The following PRDM7 variants were observed in gnomAD, a reference collection of about 807,000 sequenced individuals.
PRDM7 encodes the protein histone-lysine N-methyltransferase PRDM7.
A neutral mutation model predicts 64.3 loss-of-function variants in PRDM7; 52 were observed. The observed-to-expected ratio is 0.81, with a 90% CI of 0.65 to 1.02. PRDM7 has a LOEUF of 1.02. Ranked by LOEUF, PRDM7 falls within the 50% of genes least tolerant of loss-of-function variation. The pLI, the probability that PRDM7 is intolerant of heterozygous loss-of-function variation, is 0.00. For missense variants in PRDM7, 574 were observed against 597.1 expected, an observed-to-expected ratio of 0.96 and a Z score of 0.40; for synonymous variants, 192 against 210.1, an observed-to-expected ratio of 0.91 and a Z score of 0.74.
rs367564286 is a variant in PRDM7 at position 90,058,454 on chromosome 16, G to T, written c.1314C>A (p.Asn438Lys). The change falls in exon 11 of 11, where the codon AAC becomes AAA. Residue 438 changes from asparagine (N) to lysine (K), a missense_variant. Asn to Lys is a moderately conservative substitution (Grantham distance 94, BLOSUM62 0). Coordinates refer to ENST00000449207, the MANE Select transcript of PRDM7 (RefSeq NM_001098173.2). ...QVKNFSVNMW[N>K]AITPLRTSQD... Reference sequence around the variant, plus strand: ...GGGAAGTTCTGAGAGGAGTGATTGCGTTCCACATGTTGACTGAGAAATTTT... The same window carrying T: ...GGGAAGTTCTGAGAGGAGTGATTGCTTTCCACATGTTGACTGAGAAATTTT... 1.9e-6 allele frequency: 3 copies of T among 1,614,152 alleles called. No homozygotes were observed. The African/African-American group carries it at 4.0e-5, about 22-fold the overall frequency.
intron 5 of PRDM7, 23 bp from the exon 6 acceptor site, chr16:90,063,791 TA>T: frequency 6.2e-7 from 1 of 1,612,960 alleles, no homozygotes; most frequent in South Asian, 1.1e-5. Flanking sequence ...AATCACATAT[TA>T]AAAGACAACG....
Position 90,063,786 on chromosome 16 carries a change from C to G in PRDM7, c.352-18G>C. 1 of 1,613,722 alleles carries G rather than the reference C, an allele frequency of 6.2e-7. No individual in the cohort carries two copies. Among genetic ancestry groups the G allele is most frequent in the Non-Finnish European group, 8.5e-7 (1 of 1,179,734 alleles). The stretch of plus-strand genomic sequence containing the variant: ...GGCATTCCCTTTAATGTGAGAATCA[C>G]ATATTAAAAGACAACGTGCATTTAT... On this transcript the variant is annotated intron_variant, in intron 5 of 10. Coordinates refer to ENST00000449207, the MANE Select transcript of PRDM7 (RefSeq NM_001098173.2).
chr16:90,059,395 C>G (rs1225097980), intron 10 of PRDM7, among the ~76,000 whole-genome samples: 1 of 152,246 alleles, frequency 6.6e-6, no homozygotes, highest in African/African-American at 2.4e-5. Context: ...TATCCCTACT[C>G]AGGCTTACCG....
At chr16:90,062,681 C>A (rs549995297) in intron 6 of PRDM7, among the ~76,000 whole-genome samples, 179 bp from the exon 7 acceptor site, 17 of 152,182 alleles carry the variant, frequency 1.1e-4, no homozygotes, top group Admixed American at 9.2e-4. Context: ...ACTGTAGATG[C>A]CTATTCAATT....
chr16:90,058,619 G>T, intron 10 of PRDM7, 85 bp from the exon 11 acceptor site: 2 of 1,470,644 alleles, frequency 1.4e-6, no homozygotes, highest in Non-Finnish European at 1.9e-6. Flanking sequence ...TGAAGAACCA[G>T]TCATTCTTCA....
In PRDM7 at chr16:90,057,749, G is replaced by T; in HGVS notation, c.*540C>A. The T allele has an allele frequency of 7.8e-7, 1 of 1,278,236 alleles. No homozygotes were observed. Among genetic ancestry groups the T allele is most frequent in the Non-Finnish European group, 1.0e-6 (1 of 983,156 alleles). 79.2% of individuals were successfully genotyped at this position (1,278,236 alleles called of 1,614,324 possible). A position where few individuals can be genotyped will look rare whatever the true frequency, so the allele number is the denominator to read the frequency against. ...TGTAAGGGGTTAGCAGACTTTCGCT[G>T]AAGCCACCTCAGAGCTGGGGTGTGC... On this transcript the variant is annotated 3_prime_UTR_variant, in exon 11 of 11. Transcript: ENST00000449207.
At chr16:90,062,857 A>G (rs1483318884) in intron 6 of PRDM7, among the ~76,000 whole-genome samples, 2 of 152,238 alleles carry the variant, frequency 1.3e-5, no homozygotes. Context: ...TATAGTCTCT[A>G]TAGGGGATCT....
intron 4 of PRDM7, among the ~76,000 whole-genome samples, chr16:90,072,185 T>G (rs998033975): frequency 6.7e-6 from 1 of 150,064 alleles, no homozygotes; most frequent in African/African-American, 2.5e-5. Flanking sequence ...GAGCCGAGAT[T>G]GCGCCACTGC....
At chr16:90,063,353 G>A (rs975567825) in intron 6 of PRDM7, among the ~76,000 whole-genome samples, 1 of 152,108 alleles carries the variant, frequency 6.6e-6, no homozygotes, top group African/African-American at 2.4e-5. Flanking sequence ...CATGAAAATC[G>A]CTATTTTCGT....
Position 90,075,025 on chromosome 16 carries a change from T to C in PRDM7, c.194-2A>G, listed in dbSNP as rs778619738. Reference sequence around the variant, plus strand: ...AAGCTGGTCGAGTGGCTCTGAGACCTGAAAAGAAGCAAAAAATTTTGCTCT... The same window carrying C: ...AAGCTGGTCGAGTGGCTCTGAGACCCGAAAAGAAGCAAAAAATTTTGCTCT... On this transcript the variant is annotated splice_acceptor_variant, in intron 3 of 10. Transcript: ENST00000449207. LOFTEE classifies it high-confidence loss of function. This position sits in a 1 kb window ranked among gnomAD's most constrained non-coding sequence, Gnocchi z 4.3. 1 of 1,614,052 alleles carries C rather than the reference T, an allele frequency of 6.2e-7. No individual in the cohort carries two copies. Among genetic ancestry groups the C allele is most frequent in the Admixed American group, 1.7e-5 (1 of 60,016 alleles).
intron 7 of PRDM7, 95 bp downstream of exon 7, chr16:90,062,305 TC>T: frequency 6.2e-7 from 1 of 1,613,634 alleles, no homozygotes; most frequent in Non-Finnish European, 8.5e-7. Flanking sequence ...GTACTTTAAT[TC>T]ATTCGAGTAA....
At chr16:90,062,236 T>C in intron 7 of PRDM7, 44 bp from the exon 8 acceptor site, 10 of 1,614,230 alleles carry the variant, frequency 6.2e-6, no homozygotes, top group Non-Finnish European at 8.5e-6. Context: ...GTAATGCATG[T>C]TCCTTGATAT....
chr16:90,063,902 A>G (rs1424843840), intron 5 of PRDM7, 134 bp from the exon 6 acceptor site: 8 of 1,151,804 alleles, frequency 6.9e-6, no homozygotes, highest in Non-Finnish European at 8.6e-6. Context: ...TACTAGAGGG[A>G]AAAGACAAGG....
At chr16:90,062,637 G>C in intron 6 of PRDM7, 135 bp from the exon 7 acceptor site, 1 of 825,624 alleles carries the variant, frequency 1.2e-6, no homozygotes, top group Non-Finnish European at 2.0e-6. Flanking sequence ...TCTGTTTACT[G>C]CTTCAGAGAG....
rs2037717263 is a variant in PRDM7 at position 90,058,464 on chromosome 16, T to C, written c.1304A>G (p.Asn435Ser). Residue 435 changes from asparagine to serine, a missense_variant, in exon 11 of 11, where the codon AAC becomes AGC. Asn to Ser is a conservative substitution (Grantham distance 46). Coordinates refer to ENST00000449207, the MANE Select transcript of PRDM7 (RefSeq NM_001098173.2). ...WPFQVKNFSV[N>S]MWNAITPLRT... ...GAGAGGAGTGATTGCGTTCCACATG[T>C]TGACTGAGAAATTTTTGACTTGAAA... The C allele has an allele frequency of 6.2e-6, 10 of 1,614,080 alleles. No homozygotes were observed. The highest frequency in any genetic ancestry group is 1.1e-5 in the South Asian group (1 of 91,086).
chr16:90,075,911 G>C lies in PRDM7; in HGVS notation c.-1C>G, dbSNP rs769154743. The C allele has an allele frequency of 6.2e-7, 1 of 1,613,670 alleles. No individual in the cohort carries two copies. Among genetic ancestry groups the C allele is most frequent in the Admixed American group, 1.7e-5 (1 of 59,956 alleles). On this transcript the variant is annotated 5_prime_UTR_variant, in exon 2 of 11. Transcript: ENST00000449207. The surrounding 1 kb of genome is among the most constrained non-coding windows in gnomAD (Gnocchi z 4.3). ...CCTCTTGGGACCTTTCAGGGCTCAT[G>C]GTGCTGGGACTGTCTAGAAGGCCCT...
chr16:90,061,895 CAG>C, intron 8 of PRDM7, 24 bp downstream of exon 8: 1 of 1,614,114 alleles, frequency 6.2e-7, no homozygotes, highest in Non-Finnish European at 8.5e-7. Flanking sequence ...GAAGACAGAA[CAG>C]GGGAAACAGC....
At chr16:90,074,636 G>C (rs1378662453) in intron 4 of PRDM7, among the ~76,000 whole-genome samples, 1 of 152,054 alleles carries the variant, frequency 6.6e-6, no homozygotes, top group African/African-American at 2.4e-5. Context: ...CACTTTGGAA[G>C]GCCAAGGTGG....
rs2151307706 is a variant in PRDM7, at chr16:90,063,768, C to T, written c.352G>A (p.Gly118Arg). ...FRGEQSKHQK[G>R]MPKASFNNES... ...TTATTGAATGACGCCTTGGGCATTCCCTTTAATGTGAGAATCACATATTAA... is the reference window on the plus strand; with the variant it reads ...TTATTGAATGACGCCTTGGGCATTCTCTTTAATGTGAGAATCACATATTAA... Residue 118 changes from glycine to arginine, a missense_variant and splice_region_variant, in exon 6 of 11, where the codon GGA (glycine) becomes AGA (arginine). By Grantham distance (125) the Gly-to-Arg change is moderately radical. Transcript: ENST00000449207. 1 of 1,614,074 alleles carries T rather than the reference C, an allele frequency of 6.2e-7. No homozygotes were observed. Among genetic ancestry groups the T allele is most frequent in the Non-Finnish European group, 8.5e-7 (1 of 1,179,964 alleles).
Sources: allele counts gnomAD v4.1 joint callset (sites outside exome capture counted in the v4.1 genomes callset), GRCh38; gene constraint gnomAD v4.1.1; non-coding constraint Gnocchi (gnomAD v3.1); transcripts MANE v1.5; gene names NCBI Gene and HGNC (gene_info 2026-07-23, HGNC 2026-07-21).